ZNF596: variants seen among roughly 807,000 people sequenced by gnomAD.
ZNF596 encodes zinc finger protein 596.
In ZNF596, 45 loss-of-function variants were observed where a neutral mutation model predicts 48.3. The ratio of observed to expected loss-of-function variants is 0.93; its 90% CI spans 0.73 to 1.19. The LOEUF is 1.19. ZNF596 is among the 50% of genes most tolerant of loss of function. The pLI is 0.00. For missense variants in ZNF596, 848 were observed against 599.7 expected, an observed-to-expected ratio of 1.41 and a Z score of -4.32; for synonymous variants, 270 against 202.0, an observed-to-expected ratio of 1.34 and a Z score of -2.85.
rs1210616705 is a variant in ZNF596, at chr8:242,977, G to A, written c.103G>A (p.Val35Met). ...ATCCCAGAGAAAGCTGTTTCAAGAT[G>A]TGATGTTGGAGAACATCAGTCATCT... is the stretch of plus-strand genomic sequence containing the variant. ...DTSQRKLFQD[V>M]MLENISHLVS... Residue 35 changes from valine (V) to methionine (M), a missense_variant, in exon 3 of 6, where the codon GTG becomes ATG. Val to Met is a conservative substitution (Grantham distance 21). Transcript: ENST00000398612. The A allele has an allele frequency of 1.2e-6, 2 of 1,612,204 alleles. No individual in the cohort carries two copies. The highest frequency in any genetic ancestry group is 1.7e-5 in the Admixed American group (1 of 59,964).
At position 245,617 on chromosome 8, in the gene ZNF596, G is replaced by C. The variant is rs563897343; in HGVS notation, c.770G>C (p.Gly257Ala). 1.2e-6 allele frequency: 2 copies of C among 1,614,026 alleles called. No homozygotes were observed. Among genetic ancestry groups the C allele is most frequent in the Non-Finnish European group, 1.7e-6 (2 of 1,180,002 alleles). The change falls in exon 6 of 6, where the codon GGG becomes GCG. Residue 257 changes from glycine (G) to alanine (A), a missense_variant. Coordinates refer to ENST00000398612, the MANE Select transcript of ZNF596 (RefSeq NM_001042416.3). ...GEKPYGCHLC[G>A]KAFSKSSNLR... ...AAGCCATATGGATGTCATCTATGTG[G>C]GAAAGCCTTCAGTAAAAGTTCTAAC...
In ZNF596 at chr8:243,732, C is replaced by A; in HGVS notation, c.150C>A (p.Leu50=). The A allele has an allele frequency of 6.2e-7, 1 of 1,613,602 alleles. No homozygotes were observed. Among genetic ancestry groups the A allele is most frequent in the Non-Finnish European group, 8.5e-7 (1 of 1,179,656 alleles). The change falls in exon 4 of 6, where the codon CTC becomes CTA. Residue 50 remains leucine, a synonymous_variant. Coordinates refer to ENST00000398612, the MANE Select transcript of ZNF596 (RefSeq NM_001042416.3). The part of the protein sequence containing the change: ...ISHLVSIGKQ[L]CKSVVLSQLE... ...TTTTCCCCAAAACAGGCAAACAGCT[C>A]TGCAAATCAGTTGTGCTTTCCCAAT...
chr8:243,413 T>G (rs1796933155), intron 3 of ZNF596: 3 of 303,908 alleles, frequency 9.9e-6, no homozygotes, highest in Non-Finnish European at 1.8e-5. Flanking sequence ...TATTGCATAG[T>G]TTTTTAATAT....
chr8:239,232 A>C (rs1275356739), intron 1 of ZNF596, among the ~76,000 whole-genome samples: 1 of 152,222 alleles, frequency 6.6e-6, no homozygotes, highest in Non-Finnish European at 1.5e-5. Flanking sequence ...TCTGTCACCC[A>C]GGCTGGAGTG....
Position 244,013 on chromosome 8 carries a change from G to A in ZNF596, c.223+208G>A, listed in dbSNP as rs190920769. The A allele has an allele frequency of 1.1e-3, 435 of 397,476 alleles. 3 individuals carry two copies. The highest frequency in any genetic ancestry group is 8.4e-3 in the African/African-American group (403 of 47,732). 24.6% of individuals were successfully genotyped at this position (397,476 alleles called of 1,614,324 possible). On this transcript the variant is annotated intron_variant, in intron 4 of 5. Coordinates refer to ENST00000398612, the MANE Select transcript of ZNF596 (RefSeq NM_001042416.3). ...AGTGATTCTCTTGCCTCAGCCTCCC[G>A]AGTAGCTAGGACTACAGGTGTGCGC...
In ZNF596 at chr8:245,467, A is replaced by C; in HGVS notation, c.620A>C (p.Asn207Thr). Residue 207 changes from asparagine (N) to threonine (T), a missense_variant, in exon 6 of 6, where the codon AAT becomes ACT. By Grantham distance (65) the Asn-to-Thr change is moderately conservative. Coordinates refer to ENST00000398612, the MANE Select transcript of ZNF596 (RefSeq NM_001042416.3). ...GTGTGTGGGAAAACCTTTAGCAAAA[A>C]TTCTAATCTTAGGCGACATGAGATG... ...CRVCGKTFSK[N>T]SNLRRHEMIH... 6.2e-7 allele frequency: 1 copy of C among 1,614,192 alleles called. No individual in the cohort carries two copies.
rs1797079456 is a variant in ZNF596, at chr8:246,177, G to C, written c.1330G>C (p.Glu444Gln). 3 of 1,614,120 alleles carry C rather than the reference G, an allele frequency of 1.9e-6. No individual in the cohort carries two copies. The highest frequency in any genetic ancestry group is 1.6e-4 in the Middle Eastern group (1 of 6,062). Residue 444 changes from glutamate (E) to glutamine (Q), a missense_variant, in exon 6 of 6, where the codon GAG (glutamate) becomes CAG (glutamine). By Grantham distance (29) the Glu-to-Gln change is conservative (BLOSUM62 2). Transcript: ENST00000398612. ...ACGACATGAGAGAACTCACACTGGA[G>C]AGAAACCATATGAATGCAATATATG... ...LRRHERTHTG[E>Q]KPYECNICGK...
At chr8:237,285 GTTCA>G (rs1414199672) in intron 1 of ZNF596, 3 of 151,740 alleles carry the variant, frequency 2.0e-5, no homozygotes, top group Non-Finnish European at 4.4e-5. Context: ...TGTCAAATCT[GTTCA>G]TTCATTACAT....
chr8:243,853 C>G, intron 4 of ZNF596, 48 bp downstream of exon 4: 3 of 1,515,096 alleles, frequency 2.0e-6, no homozygotes, highest in Non-Finnish European at 2.7e-6. Flanking sequence ...GAAACATGGC[C>G]AGTGAGTGAG....
Position 245,641 on chromosome 8 carries a change from A to T in ZNF596, c.794A>T (p.Asn265Ile), listed in dbSNP as rs769049693. The T allele has an allele frequency of 3.7e-6, 6 of 1,613,682 alleles. No homozygotes were observed. Among genetic ancestry groups the T allele is most frequent in the Non-Finnish European group, 4.2e-6 (5 of 1,179,940 alleles). Residue 265 changes from asparagine (N) to isoleucine (I), a missense_variant, in exon 6 of 6, where the codon AAC becomes ATC. Transcript: ENST00000398612. ...GGGAAAGCCTTCAGTAAAAGTTCTA[A>T]CCTTAGACGACATGAGATGATTCAC... Reference protein sequence around the residue: ...LCGKAFSKSSNLRRHEMIHTR... With the variant: ...LCGKAFSKSSILRRHEMIHTR...
intron 1 of ZNF596, 156 bp from the exon 2 acceptor site, chr8:240,668 C>T (rs1304186611): frequency 1.6e-5 from 9 of 568,748 alleles, no homozygotes; most frequent in Non-Finnish European, 2.5e-5. Context: ...ATAGTCATTT[C>T]TTCTGACCCT....
Position 246,658 on chromosome 8 carries a change from G to T in ZNF596, c.*296G>T. 1 of 274,858 alleles carries T rather than the reference G, an allele frequency of 3.6e-6. No individual in the cohort carries two copies. The highest frequency in any genetic ancestry group is 6.8e-6 in the Non-Finnish European group (1 of 146,986). 17.0% of individuals were successfully genotyped at this position (274,858 alleles called of 1,614,324 possible). ...AGAAATCACATCACGAAAATTCTGTGCCTGTCGTCAGTGTGAAAATGCCTT... is the reference window on the plus strand; with the variant it reads ...AGAAATCACATCACGAAAATTCTGTTCCTGTCGTCAGTGTGAAAATGCCTT... On this transcript the variant is annotated 3_prime_UTR_variant, in exon 6 of 6. Transcript: ENST00000398612.
At position 246,273 on chromosome 8, in the gene ZNF596, G is replaced by A. The variant is rs765870848; in HGVS notation, c.1426G>A (p.Val476Ile). Residue 476 changes from valine to isoleucine, a missense_variant, in exon 6 of 6, where the codon GTA becomes ATA. Physicochemically the swap from Val to Ile is conservative, Grantham distance 29. Coordinates refer to ENST00000398612, the MANE Select transcript of ZNF596 (RefSeq NM_001042416.3). ...AGTTCACACTGGAGAGAAACCATATGTATGTCCTCTATGTGGGAAAGCCTT... is the reference window on the plus strand; with the variant it reads ...AGTTCACACTGGAGAGAAACCATATATATGTCCTCTATGTGGGAAAGCCTT... ...RRVHTGEKPY[V>I]CPLCGKAFSK... is the part of the protein sequence containing the mutation. 4 of 1,612,634 alleles carry A rather than the reference G, an allele frequency of 2.5e-6. No homozygotes were observed. Among genetic ancestry groups the A allele is most frequent in the East Asian group, 2.2e-5 (1 of 44,760 alleles).
chr8:236,214 T>G (rs1423616033), intron 1 of ZNF596, among the ~76,000 whole-genome samples: 1 of 152,268 alleles, frequency 6.6e-6, no homozygotes, highest in African/African-American at 2.4e-5. Context: ...TTTGTGTGTT[T>G]GCTTTTTTTA....
At chr8:245,115 T>A in intron 5 of ZNF596, 39 bp from the exon 6 acceptor site, 5 of 1,530,060 alleles carry the variant, frequency 3.3e-6, no homozygotes, top group Non-Finnish European at 4.4e-6. Context: ...TGAGTGTGGA[T>A]AAACCTTTAA....
chr8:233,811 T>C (rs1796519695), intron 1 of ZNF596: 1 of 152,256 alleles, frequency 6.6e-6, no homozygotes, highest in Admixed American at 6.5e-5. Flanking sequence ...ATCAATATGA[T>C]TAAAACCGTG....
At position 246,599 on chromosome 8, in the gene ZNF596, G is replaced by A; in HGVS notation, c.*237G>A. The A allele has an allele frequency of 4.8e-6, 2 of 419,542 alleles. No individual in the cohort carries two copies. Among genetic ancestry groups the A allele is most frequent in the Non-Finnish European group, 8.2e-6 (2 of 242,492 alleles). 26.0% of individuals were successfully genotyped at this position (419,542 alleles called of 1,614,324 possible). A position where few individuals can be genotyped will look rare whatever the true frequency, so the allele number is the denominator to read the frequency against. On this transcript the variant is annotated 3_prime_UTR_variant, in exon 6 of 6. Coordinates refer to ENST00000398612, the MANE Select transcript of ZNF596 (RefSeq NM_001042416.3). The stretch of plus-strand genomic sequence containing the variant: ...AACTATAGATCAAAGGAATGTGGAG[G>A]AGTCTTCATCCACAGCTCTGTTAAA...
At position 247,152 on chromosome 8, in the gene ZNF596, G is replaced by C. The variant is rs914348400; in HGVS notation, c.*790G>C. The C allele has an allele frequency of 6.6e-6, 1 of 152,162 alleles. No individual in the cohort carries two copies. The highest frequency in any genetic ancestry group is 2.4e-5 in the African/African-American group (1 of 41,460). 9.4% of individuals were successfully genotyped at this position (152,162 alleles called of 1,614,324 possible). On this transcript the variant is annotated 3_prime_UTR_variant, in exon 6 of 6. Transcript: ENST00000398612. ...ATGAAAACTCTAAAAAGCCATTGAT[G>C]AGATGTATAGCTGGGGGACAAAACA...
intron 1 of ZNF596, 79 bp from the exon 2 acceptor site, chr8:240,745 G>A: frequency 1.1e-6 from 1 of 909,414 alleles, no homozygotes; most frequent in South Asian, 1.5e-5. Context: ...TTGGACTGGG[G>A]CTAATAGCTT....
Sources: allele counts gnomAD v4.1 joint callset (sites outside exome capture counted in the v4.1 genomes callset), GRCh38; gene constraint gnomAD v4.1.1; transcripts MANE v1.5; gene names NCBI Gene and HGNC (gene_info 2026-07-23, HGNC 2026-07-21).